GPR180: variants seen among roughly 807,000 people sequenced by gnomAD.
The protein encoded by GPR180 is integral membrane protein GPR180.
Under a neutral mutation model 52.6 loss-of-function variants are expected in GPR180, and 53 were observed. The ratio of observed to expected loss-of-function variants is 1.01; its 90% CI spans 0.81 to 1.27. The LOEUF is 1.27. GPR180 is among the 50% of genes most tolerant of loss of function. GPR180 has a pLI of 0.00. For synonymous variants in GPR180, 200 were observed against 193.1 expected (o/e 1.04, Z -0.30); for missense variants, 533 against 527.0 (o/e 1.01, Z -0.11).
chr13:94,605,246 T>C, intron 1 of GPR180, 145 bp from the exon 2 acceptor site: 2 of 664,240 alleles, frequency 3.0e-6, no homozygotes, highest in Non-Finnish European at 5.3e-6. Flanking sequence ...GTGTTCATTA[T>C]GATGTGATTT....
intron 6 of GPR180, 75 bp from the exon 7 acceptor site, chr13:94,623,034 A>T (rs1889871641): frequency 9.4e-7 from 1 of 1,058,998 alleles, no homozygotes; most frequent in Admixed American, 2.1e-5. Context: ...AGGGATGTTT[A>T]TTAAAGAGTT....
chr13:94,627,045 T>C lies in GPR180; in HGVS notation c.1197T>C (p.Ser399=), dbSNP rs1230959808. 3.1e-6 allele frequency: 5 copies of C among 1,610,782 alleles called. No homozygotes were observed. The South Asian group carries it at 4.4e-5, about 14-fold the overall frequency. ...VITIGVILCQ[S]VSMVILYRLF... is the part of the protein sequence containing the mutation. ...CAATAGGTGTTATCCTTTGCCAGTC[T>C]GTTTCCATGGTTATTCTCTACAGAC... The change falls in exon 9 of 9, where the codon TCT becomes TCC. Residue 399 remains serine (S), a synonymous_variant. Transcript: ENST00000376958.
intron 7 of GPR180, among the ~76,000 whole-genome samples, chr13:94,624,879 T>A (rs1229118186): frequency 6.6e-6 from 1 of 151,190 alleles, no homozygotes; most frequent in South Asian, 2.1e-4. Context: ...TTGTCCAGGC[T>A]GTAGTGCAGT....
At position 94,632,229 on chromosome 13, in the gene GPR180, T is replaced by G. The variant is rs559924414; in HGVS notation, c.*5058T>G. The G allele has an allele frequency of 6.6e-6, 1 of 152,346 alleles. No homozygotes were observed. Among genetic ancestry groups the G allele is most frequent in the African/African-American group, 2.4e-5 (1 of 41,590 alleles). 9.4% of individuals were successfully genotyped at this position (152,346 alleles called of 1,614,324 possible). ...AAACCTTCTAATGTTTTCTTCTTGTTAAACAGGTAATATATGCACATTGTA... is the reference window on the plus strand; with the variant it reads ...AAACCTTCTAATGTTTTCTTCTTGTGAAACAGGTAATATATGCACATTGTA... On this transcript the variant is annotated 3_prime_UTR_variant, in exon 9 of 9. Coordinates refer to ENST00000376958, the MANE Select transcript of GPR180 (RefSeq NM_180989.6).
intron 6 of GPR180, among the ~76,000 whole-genome samples, chr13:94,622,290 T>G (rs1192165731): frequency 6.6e-6 from 1 of 152,202 alleles, no homozygotes; most frequent in Non-Finnish European, 1.5e-5. Context: ...TCAGGTTAAA[T>G]TCTCACTTTT....
In GPR180 at chr13:94,626,019, T is replaced by G; in HGVS notation, c.1140T>G (p.Ile380Met). ...CHPVLACISV[I>M]FSDYQRDKVI... ...CAGTTCTTGCATGCATTTCTGTCATTTTTAGCGACTACCAAAGAGACAAGG... is the reference window on the plus strand; with the variant it reads ...CAGTTCTTGCATGCATTTCTGTCATGTTTAGCGACTACCAAAGAGACAAGG... Residue 380 changes from isoleucine to methionine, a missense_variant, in exon 8 of 9, where the codon ATT becomes ATG. By Grantham distance (10) the Ile-to-Met change is conservative. Transcript: ENST00000376958. 1 of 1,611,340 alleles carries G rather than the reference T, an allele frequency of 6.2e-7. No homozygotes were observed. The highest frequency in any genetic ancestry group is 8.5e-7 in the Non-Finnish European group (1 of 1,178,050).
chr13:94,624,749 A>G (rs536660144), intron 7 of GPR180, among the ~76,000 whole-genome samples: 15 of 152,264 alleles, frequency 9.9e-5, no homozygotes, highest in African/African-American at 3.6e-4. Context: ...TCACCGTGTT[A>G]GCCAGGATGC....
chr13:94,629,776 G>A lies in GPR180; in HGVS notation c.*2605G>A, dbSNP rs1377650181. The A allele has an allele frequency of 1.3e-5, 2 of 152,302 alleles. No individual in the cohort carries two copies. The highest frequency in any genetic ancestry group is 3.9e-4 in the East Asian group (2 of 5,192). The allele number at this position is 152,302 out of a possible 1,614,324, so 9.4% of individuals were successfully genotyped here. Reference sequence around the variant, plus strand: ...ACCAGACAGTATTACTAGCAGGAGAGTTAATCTAGGCAGAAGAGCTTGCTT... The same window carrying A: ...ACCAGACAGTATTACTAGCAGGAGAATTAATCTAGGCAGAAGAGCTTGCTT... On this transcript the variant is annotated 3_prime_UTR_variant, in exon 9 of 9. Coordinates refer to ENST00000376958, the MANE Select transcript of GPR180 (RefSeq NM_180989.6).
chr13:94,609,596 T>C (rs1889677757), intron 2 of GPR180, among the ~76,000 whole-genome samples: 1 of 152,162 alleles, frequency 6.6e-6, no homozygotes, highest in Non-Finnish European at 1.5e-5. Context: ...AGAGCCTTTA[T>C]ATAATGAGGT....
At chr13:94,615,900 G>A (rs1889772058) in intron 3 of GPR180, among the ~76,000 whole-genome samples, 1 of 152,214 alleles carries the variant, frequency 6.6e-6, no homozygotes, top group South Asian at 2.1e-4. Flanking sequence ...CTGGTAACAT[G>A]TTGGAATGTT....
chr13:94,601,883 C>T lies in GPR180; in HGVS notation c.-45C>T. On this transcript the variant is annotated 5_prime_UTR_variant, in exon 1 of 9. Coordinates refer to ENST00000376958, the MANE Select transcript of GPR180 (RefSeq NM_180989.6). The stretch of plus-strand genomic sequence containing the variant: ...GCTGCCGACGTGGGGCGGGCAGCCG[C>T]CGGCGGCTGGGAGCCGAGGCGTCGG... 1.6e-5 allele frequency: 21 copies of T among 1,340,644 alleles called. No homozygotes were observed. Among genetic ancestry groups the T allele is most frequent in the Non-Finnish European group, 2.0e-5 (21 of 1,045,296 alleles). The allele number at this position is 1,340,644 out of a possible 1,614,324, so 83.0% of individuals were successfully genotyped here.
At chr13:94,611,687 C>T (rs927304609) in intron 2 of GPR180, among the ~76,000 whole-genome samples, 1 of 152,000 alleles carries the variant, frequency 6.6e-6, no homozygotes, top group African/African-American at 2.4e-5. Flanking sequence ...TCAGCCCCTA[C>T]ACCAAGTACT....
At chr13:94,613,439 G>A (rs1889738531) in intron 3 of GPR180, among the ~76,000 whole-genome samples, 1 of 152,090 alleles carries the variant, frequency 6.6e-6, no homozygotes, top group South Asian at 2.1e-4. Context: ...GTGATAGAAT[G>A]GTGTGCTAAT....
At chr13:94,623,539 G>T (rs559698154) in intron 7 of GPR180, among the ~76,000 whole-genome samples, 1 of 152,202 alleles carries the variant, frequency 6.6e-6, no homozygotes, top group East Asian at 1.9e-4. Flanking sequence ...AATTAGCCAC[G>T]CTTTGTGGCG....
At chr13:94,604,218 A>C (rs1388539753) in intron 1 of GPR180, among the ~76,000 whole-genome samples, 1 of 152,078 alleles carries the variant, frequency 6.6e-6, no homozygotes, top group Non-Finnish European at 1.5e-5. Context: ...CTGTAATCCC[A>C]GCTATTTTGG....
chr13:94,618,672 G>A lies in GPR180; in HGVS notation c.506-478G>A, dbSNP rs370171330. Among the ~76,000 whole-genome samples the A allele has an allele frequency of 1.6e-4, 24 of 152,026 alleles. No homozygotes were observed. The South Asian group carries it at 2.7e-3, about 17-fold the overall frequency. On this transcript the variant is annotated intron_variant, in intron 3 of 8. Coordinates refer to ENST00000376958, the MANE Select transcript of GPR180 (RefSeq NM_180989.6). ...AACTGGATGGCACTCAAGAATTTGC[G>A]TTTATAACAAATTCCCTGGTGATGC...
intron 6 of GPR180, 146 bp from the exon 7 acceptor site, chr13:94,622,963 G>C (rs181599122): frequency 6.6e-6 from 4 of 605,256 alleles, no homozygotes; most frequent in Admixed American, 5.9e-5. Flanking sequence ...GTGATGAAAA[G>C]ACTGTACTTT....
intron 7 of GPR180, among the ~76,000 whole-genome samples, chr13:94,625,085 A>T (rs1430183109): frequency 6.6e-6 from 1 of 152,236 alleles, no homozygotes; most frequent in East Asian, 1.9e-4. Context: ...AAATGTTGGG[A>T]TTACAGGCAT....
rs1890016139 is a variant in GPR180 at position 94,632,797 on chromosome 13, A to G, written c.*5626A>G. The G allele has an allele frequency of 6.6e-6, 1 of 152,234 alleles. No homozygotes were observed. Among genetic ancestry groups the G allele is most frequent in the Non-Finnish European group, 1.5e-5 (1 of 68,050 alleles). The allele number at this position is 152,234 out of a possible 1,614,324, so 9.4% of individuals were successfully genotyped here. A position where few individuals can be genotyped will look rare whatever the true frequency, so the allele number is the denominator to read the frequency against. ...GATTAGAGGGTTGGAGTTTTGAGTC[A>G]TATGATATTAGCCCAACCTCTGAGG... On this transcript the variant is annotated 3_prime_UTR_variant, in exon 9 of 9. Transcript: ENST00000376958.
Sources: allele counts gnomAD v4.1 joint callset (sites outside exome capture counted in the v4.1 genomes callset), GRCh38; gene constraint gnomAD v4.1.1; transcripts MANE v1.5; gene names NCBI Gene and HGNC (gene_info 2026-07-23, HGNC 2026-07-21).